The following HHLA1 variants were observed in gnomAD, a reference collection of about 807,000 sequenced individuals.
HHLA1 encodes HHLA1 neighbor of OC90.
HHLA1 carries 72 observed loss-of-function variants against 69.9 expected under a neutral mutation model. The ratio of observed to expected loss-of-function variants is 1.03; its 90% CI spans 0.85 to 1.25. The LOEUF (loss-of-function observed/expected upper bound fraction) is 1.25. Ranked by LOEUF, HHLA1 falls within the 50% of genes most tolerant of loss-of-function variation. The pLI, the probability that HHLA1 is intolerant of heterozygous loss-of-function variation, is 0.00. For synonymous variants in HHLA1, 252 were observed against 233.2 expected (o/e 1.08, Z -0.73); for missense variants, 685 against 642.2 (o/e 1.07, Z -0.72).
Position 132,063,925 on chromosome 8 carries a change from G to T in HHLA1, c.*70C>A. 1.3e-6 allele frequency: 1 copy of T among 782,172 alleles called. No homozygotes were observed. Among genetic ancestry groups the T allele is most frequent in the Non-Finnish European group, 1.8e-6 (1 of 559,908 alleles). 48.5% of individuals were successfully genotyped at this position (782,172 alleles called of 1,614,324 possible). On this transcript the variant is annotated 3_prime_UTR_variant, in exon 17 of 17. Coordinates refer to ENST00000414222, the MANE Select transcript of HHLA1 (RefSeq NM_001145095.3). ...TGAATTCTTCAAATGTAGCCCACTTGGGACAAGAGCCAGGGTGGATGGCGT... is the reference window on the plus strand; with the variant it reads ...TGAATTCTTCAAATGTAGCCCACTTTGGACAAGAGCCAGGGTGGATGGCGT...
chr8:132,087,885 T>A lies in HHLA1; in HGVS notation c.549A>T (p.Glu183Asp). ...TCACACAGATGAAGATGCAATCTGATTCATTGCTTTGATTCACTGTAAGAC... is the reference window on the plus strand; with the variant it reads ...TCACACAGATGAAGATGCAATCTGAATCATTGCTTTGATTCACTGTAAGAC... ...TSILSVNQSN[E>D]SDCIFICVMT... Residue 183 changes from glutamate to aspartate, a missense_variant, in exon 9 of 17, where the codon GAA becomes GAT. Coordinates refer to ENST00000414222, the MANE Select transcript of HHLA1 (RefSeq NM_001145095.3). 6.4e-7 allele frequency: 1 copy of A among 1,551,442 alleles called. No homozygotes were observed. Among genetic ancestry groups the A allele is most frequent in the Non-Finnish European group, 8.7e-7 (1 of 1,146,578 alleles).
chr8:132,101,234 G>T (rs1285806080), intron 3 of HHLA1: 3 of 1,550,442 alleles, frequency 1.9e-6, no homozygotes, highest in Non-Finnish European at 1.7e-6. Context: ...GCCCGGGAAT[G>T]TCCCATCTTT....
At chr8:132,107,145 A>G (rs1481362836) in intron 1 of HHLA1, among the ~76,000 whole-genome samples, 1 of 152,136 alleles carries the variant, frequency 6.6e-6, no homozygotes, top group African/African-American at 2.4e-5. Context: ...GCATCATACC[A>G]GAGAAATACG....
At chr8:132,095,816 A>G in intron 5 of HHLA1, 30 bp from the exon 6 acceptor site, 1 of 1,371,422 alleles carries the variant, frequency 7.3e-7, no homozygotes, top group Non-Finnish European at 1.0e-6. Flanking sequence ...AAAGAGACAG[A>G]CAGATGCCTA....
Position 132,063,081 on chromosome 8 carries a change from A to G in HHLA1, c.*914T>C, listed in dbSNP as rs986899036. On this transcript the variant is annotated 3_prime_UTR_variant, in exon 17 of 17. Coordinates refer to ENST00000414222, the MANE Select transcript of HHLA1 (RefSeq NM_001145095.3). ...ACATCCCCTGGACACCAAAACTTGG[A>G]TGAGCTTTCCTGGCTGACAATACTC... The G allele has an allele frequency of 6.6e-6, 1 of 152,280 alleles. No individual in the cohort carries two copies. The highest frequency in any genetic ancestry group is 1.9e-4 in the East Asian group (1 of 5,208). The allele number at this position is 152,280 out of a possible 1,614,324, so 9.4% of individuals were successfully genotyped here.
intron 16 of HHLA1, among the ~76,000 whole-genome samples, chr8:132,065,176 C>T (rs769483469): frequency 6.6e-6 from 1 of 152,134 alleles, no homozygotes; most frequent in Non-Finnish European, 1.5e-5. Context: ...TTTGAAGCTA[C>T]CAGGACAAGG....
intron 15 of HHLA1, 95 bp from the exon 16 acceptor site, chr8:132,066,063 T>G (rs1823433145): frequency 2.1e-6 from 1 of 465,724 alleles, no homozygotes; most frequent in Admixed American, 2.7e-5. Context: ...AAACATGAAC[T>G]ATATGGCCAA....
chr8:132,063,843 A>T lies in HHLA1; in HGVS notation c.*152T>A, dbSNP rs1468255763. The T allele has an allele frequency of 1.8e-5, 5 of 276,350 alleles. No homozygotes were observed. The highest frequency in any genetic ancestry group is 3.6e-5 in the Non-Finnish European group (5 of 137,536). The allele number at this position is 276,350 out of a possible 1,614,324, so 17.1% of individuals were successfully genotyped here. A position where few individuals can be genotyped will look rare whatever the true frequency, so the allele number is the denominator to read the frequency against. ...CAGATTCACAGGAGAGGGAAAAAAA[A>T]TGCTACTTCCAAGAATAACCACTTT... On this transcript the variant is annotated 3_prime_UTR_variant, in exon 17 of 17. Coordinates refer to ENST00000414222, the MANE Select transcript of HHLA1 (RefSeq NM_001145095.3).
At position 132,079,954 on chromosome 8, in the gene HHLA1, CT is replaced by C; in HGVS notation, c.688del (p.Arg230GlyfsTer35). 2.6e-6 allele frequency: 4 copies of C among 1,552,294 alleles called. No homozygotes were observed. Among genetic ancestry groups the C allele is most frequent in the Non-Finnish European group, 3.5e-6 (4 of 1,147,116 alleles). ...GLSGVLGAAT[R>X]GTARTSKPTT... Reference sequence around the variant, plus strand: ...GGGCTTTGAAGTCCTGGCAGTTCCCCTGGTAGCTGCACCTTCAGGGAGGCAG... The same window carrying C: ...GGGCTTTGAAGTCCTGGCAGTTCCCCGGTAGCTGCACCTTCAGGGAGGCAG... On this transcript the variant is annotated frameshift_variant, in exon 11 of 17. Transcript: ENST00000414222. LOFTEE classifies it high-confidence loss of function.
intron 1 of HHLA1, 37 bp downstream of exon 1, chr8:132,111,065 C>A (rs1020657163): frequency 8.5e-5 from 13 of 152,128 alleles, no homozygotes; most frequent in Non-Finnish European, 1.3e-4. Flanking sequence ...GAGGAGGAAC[C>A]AAAAGAGTTT....
intron 5 of HHLA1, among the ~76,000 whole-genome samples, chr8:132,098,388 C>A (rs2130896929): frequency 6.6e-6 from 1 of 152,274 alleles, no homozygotes; most frequent in Middle Eastern, 3.4e-3. Flanking sequence ...GTCTGTATTG[C>A]AATTCGCTCT....
chr8:132,097,069 G>A (rs1824037395), intron 5 of HHLA1, among the ~76,000 whole-genome samples: 1 of 152,132 alleles, frequency 6.6e-6, no homozygotes, highest in African/African-American at 2.4e-5. Flanking sequence ...ATCACCAGTG[G>A]TGCCCATTCC....
intron 15 of HHLA1, 96 bp downstream of exon 15, chr8:132,071,244 C>G: frequency 9.0e-7 from 1 of 1,114,884 alleles, no homozygotes; most frequent in Non-Finnish European, 1.3e-6. Context: ...CTGTGGATTG[C>G]TTATTGCCTG....
At chr8:132,084,278 G>A (rs1336980934) in intron 10 of HHLA1, among the ~76,000 whole-genome samples, 10 of 152,044 alleles carry the variant, frequency 6.6e-5, no homozygotes, top group East Asian at 1.9e-4. Flanking sequence ...GACCTAGCTC[G>A]GCCTGGCGAG....
At chr8:132,068,814 G>T (rs1276283403) in intron 15 of HHLA1, among the ~76,000 whole-genome samples, 1 of 152,190 alleles carries the variant, frequency 6.6e-6, no homozygotes, top group African/African-American at 2.4e-5. Context: ...TTGTTATCCT[G>T]CAAGGAGTGT....
At chr8:132,069,102 G>A (rs1472247275) in intron 15 of HHLA1, among the ~76,000 whole-genome samples, 4 of 152,056 alleles carry the variant, frequency 2.6e-5, no homozygotes, top group Non-Finnish European at 2.9e-5. Context: ...TCCTGAATAG[G>A]GACATGCCAG....
intron 5 of HHLA1, among the ~76,000 whole-genome samples, chr8:132,096,017 T>G (rs1824022003): frequency 6.6e-6 from 1 of 152,218 alleles, no homozygotes. Context: ...ATCCTCAAGC[T>G]GTGGCAACTC....
intron 14 of HHLA1, among the ~76,000 whole-genome samples, chr8:132,073,528 A>G (rs905017534): frequency 2.6e-5 from 4 of 152,226 alleles, no homozygotes; most frequent in Non-Finnish European, 2.9e-5. Context: ...TGAAGTAGAC[A>G]TCAGAAGTAT....
At chr8:132,075,397 G>C (rs1464906419) in intron 14 of HHLA1, among the ~76,000 whole-genome samples, 3 of 152,162 alleles carry the variant, frequency 2.0e-5, no homozygotes, top group Non-Finnish European at 4.4e-5. Flanking sequence ...AAAGAGGAGA[G>C]TGAGATGTCC....
Sources: gnomAD v4.1 joint callset for allele counts (sites outside exome capture counted in the v4.1 genomes callset) on GRCh38, gnomAD v4.1.1 for gene constraint, MANE v1.5 for transcripts, NCBI Gene and HGNC (gene_info 2026-07-23, HGNC 2026-07-21) for gene names.